SLC9A8: variants seen among roughly 807,000 people sequenced by gnomAD.
SLC9A8 encodes the protein solute carrier family 9 member A8.
A neutral mutation model predicts 66.6 loss-of-function variants in SLC9A8; 48 were observed. The ratio of observed to expected loss-of-function variants is 0.72; its 90% CI spans 0.57 to 0.92. The LOEUF is 0.92. SLC9A8 is among the 40% of genes least tolerant of loss of function. SLC9A8 has a pLI of 0.00. For missense variants in SLC9A8, 599 were observed against 747.3 expected (o/e 0.80, Z 2.31); for synonymous variants, 274 against 282.6 (o/e 0.97, Z 0.31).
intron 8 of SLC9A8, among the ~76,000 whole-genome samples, chr20:49,859,541 C>T (rs1338318193): frequency 1.3e-5 from 2 of 150,948 alleles, no homozygotes; most frequent in Non-Finnish European, 2.9e-5. Flanking sequence ...TGTCACCTTT[C>T]CTTGGTTATC....
At position 49,823,090 on chromosome 20, in the gene SLC9A8, A is replaced by G. The variant is rs1221299845; in HGVS notation, c.238A>G (p.Ile80Val). ...CTGCATCATATTGGTGCATTTACTGATCCGATACAGATTACATTTCTTGCC... is the reference window on the plus strand; with the variant it reads ...CTGCATCATATTGGTGCATTTACTGGTCCGATACAGATTACATTTCTTGCC... ...AICIILVHLLIRYRLHFLPES... is the reference protein window; with the variant it reads ...AICIILVHLLVRYRLHFLPES... The change falls in exon 3 of 16, where the codon ATC becomes GTC. Residue 80 changes from isoleucine (I) to valine (V), a missense_variant. Ile to Val is a conservative substitution (Grantham distance 29, BLOSUM62 3). Around this residue, in one of 2 missense-constraint regions of SLC9A8, gnomAD observed 132 missense variants for 120.9 expected, o/e 1.09. Transcript: ENST00000361573. 1 of 1,612,766 alleles carries G rather than the reference A, an allele frequency of 6.2e-7. No homozygotes were observed. The highest frequency in any genetic ancestry group is 8.5e-7 in the Non-Finnish European group (1 of 1,179,538).
chr20:49,889,216 TC>T lies in SLC9A8; in HGVS notation c.*1282del, dbSNP rs2089988425. 6.6e-6 allele frequency: 1 copy of T among 152,208 alleles called. No individual in the cohort carries two copies. The highest frequency in any genetic ancestry group is 2.1e-4 in the South Asian group (1 of 4,826). 9.4% of individuals were successfully genotyped at this position (152,208 alleles called of 1,614,324 possible). On this transcript the variant is annotated 3_prime_UTR_variant, in exon 16 of 16. Coordinates refer to ENST00000361573, the MANE Select transcript of SLC9A8 (RefSeq NM_015266.3). ...GCTCATCAAAGAGCCATTGCCAACT[TC>T]CGTATGTGGTTCTGGGTCCCAGGGA...
In SLC9A8 at chr20:49,820,472, G is replaced by A. The variant is rs565901479; in HGVS notation, c.209-2589G>A. ...GATTGCACCACTGCACTCCAGCCTG[G>A]GTGACAGAGTGAGACTCTGTCTCGG... On this transcript the variant is annotated intron_variant, in intron 2 of 15. Transcript: ENST00000361573. 7.9e-5 allele frequency among the ~76,000 whole-genome samples: 12 copies of A among 152,000 alleles called. No homozygotes were observed. The East Asian group carries it at 2.3e-3, about 29-fold the overall frequency.
chr20:49,828,836 C>T (rs1327603708), intron 3 of SLC9A8, among the ~76,000 whole-genome samples: 2 of 150,754 alleles, frequency 1.3e-5, no homozygotes, highest in East Asian at 2.0e-4. Flanking sequence ...GAGACTCTGT[C>T]TCAAATAAAT....
intron 8 of SLC9A8, among the ~76,000 whole-genome samples, chr20:49,858,913 G>A (rs1192018689): frequency 2.7e-5 from 4 of 150,536 alleles, no homozygotes; most frequent in East Asian, 2.0e-4. Flanking sequence ...AGCCGAGATC[G>A]CACCACTGCA....
At chr20:49,839,330 T>C (rs908002520) in intron 3 of SLC9A8, among the ~76,000 whole-genome samples, 5 of 152,226 alleles carry the variant, frequency 3.3e-5, no homozygotes, top group Non-Finnish European at 5.9e-5. Context: ...GCCTGACTTT[T>C]GTATTTCATT....
intron 3 of SLC9A8, among the ~76,000 whole-genome samples, chr20:49,823,554 A>G (rs957549815): frequency 1.1e-4 from 17 of 152,226 alleles, no homozygotes; most frequent in African/African-American, 4.1e-4. Context: ...TTTAGGAGGA[A>G]GAAATGGCTC....
intron 2 of SLC9A8, among the ~76,000 whole-genome samples, chr20:49,818,029 G>A (rs1220887133): frequency 6.8e-6 from 1 of 147,652 alleles, no homozygotes; most frequent in Non-Finnish European, 1.5e-5. Flanking sequence ...GGCGGGCCTG[G>A]AAAAAAAAAA....
At chr20:49,880,263 C>CAAAAAA (rs3067561) in intron 12 of SLC9A8, among the ~76,000 whole-genome samples, 46 of 129,516 alleles carry the variant, frequency 3.6e-4, no homozygotes, top group African/African-American at 1.3e-3. Context: ...GACTTTGTCT[C>CAAAAAA]AAAAAAAAAA....
At chr20:49,834,382 T>C (rs547147635) in intron 3 of SLC9A8, among the ~76,000 whole-genome samples, 752 of 44,496 alleles carry the variant, frequency 0.017, 53 homozygotes, top group Non-Finnish European at 0.022. Context: ...TATATATATA[T>C]ACTGTGTATA....
intron 8 of SLC9A8, 21 bp downstream of exon 8, chr20:49,855,602 C>T: frequency 1.2e-6 from 2 of 1,610,114 alleles, no homozygotes; most frequent in East Asian, 4.5e-5. Flanking sequence ...GGGCAGAGAA[C>T]AGACTTTTTT....
chr20:49,874,807 TG>T lies in SLC9A8; in HGVS notation c.1063del (p.Ala355ProfsTer32). 3 of 1,611,884 alleles carry T rather than the reference TG, an allele frequency of 1.9e-6. No individual in the cohort carries two copies. Among genetic ancestry groups the T allele is most frequent in the Non-Finnish European group, 2.5e-6 (3 of 1,177,902 alleles). ...QILMQQTLRT[V>X]AFLCETCVFA... Reference sequence around the variant, plus strand: ...CTCATGCAGCAGACCCTCCGCACCGTGGCCTTCTTATGTGGTGAGTTCTGCT... The same window carrying T: ...CTCATGCAGCAGACCCTCCGCACCGTGCCTTCTTATGTGGTGAGTTCTGCT... On this transcript the variant is annotated frameshift_variant, in exon 11 of 16. Coordinates refer to ENST00000361573, the MANE Select transcript of SLC9A8 (RefSeq NM_015266.3). LOFTEE classifies it high-confidence loss of function.
Position 49,888,062 on chromosome 20 carries a change from G to A in SLC9A8, c.*126G>A, listed in dbSNP as rs925032718. On this transcript the variant is annotated 3_prime_UTR_variant, in exon 16 of 16. Transcript: ENST00000361573. ...CCTTCAAGACATAAGAGGGCGGGGC[G>A]AGGTACTGGCTGCAGAGTCGCCTTA... The A allele has an allele frequency of 1.5e-5, 11 of 730,932 alleles. No individual in the cohort carries two copies. Among genetic ancestry groups the A allele is most frequent in the Admixed American group, 6.9e-5 (3 of 43,270 alleles). The allele number at this position is 730,932 out of a possible 1,614,324, so 45.3% of individuals were successfully genotyped here. A position where few individuals can be genotyped will look rare whatever the true frequency, so the allele number is the denominator to read the frequency against.
intron 2 of SLC9A8, among the ~76,000 whole-genome samples, chr20:49,821,159 T>TG (rs1356965054): frequency 4.6e-5 from 7 of 152,372 alleles, no homozygotes; most frequent in Admixed American, 4.6e-4. Flanking sequence ...ACTCTTTCTG[T>TG]TAATAGTTTC....
chr20:49,889,910 C>T lies in SLC9A8; in HGVS notation c.*1974C>T, dbSNP rs2146805657. 6.6e-6 allele frequency: 1 copy of T among 152,310 alleles called. No individual in the cohort carries two copies. The highest frequency in any genetic ancestry group is 6.5e-5 in the Admixed American group (1 of 15,308). 9.4% of individuals were successfully genotyped at this position (152,310 alleles called of 1,614,324 possible). ...TTTCTTTCTTTCCTAATCTTAAATT[C>T]ACAGATAAAGCAATGAAAAGAGTCA... On this transcript the variant is annotated 3_prime_UTR_variant, in exon 16 of 16. Coordinates refer to ENST00000361573, the MANE Select transcript of SLC9A8 (RefSeq NM_015266.3).
chr20:49,813,673 G>A (rs2086442676), intron 1 of SLC9A8, among the ~76,000 whole-genome samples: 1 of 152,216 alleles, frequency 6.6e-6, no homozygotes. Flanking sequence ...TGGGTTAAGT[G>A]TTCTGAAGGA....
chr20:49,829,535 G>A (rs1395298178), intron 3 of SLC9A8: 5 of 271,764 alleles, frequency 1.8e-5, no homozygotes, highest in Admixed American at 5.0e-5. Context: ...AAAAAAAAAA[G>A]AACCTCATGG....
chr20:49,847,549 C>T (rs1219331068), intron 5 of SLC9A8, among the ~76,000 whole-genome samples: 2 of 151,992 alleles, frequency 1.3e-5, no homozygotes, highest in African/African-American at 2.4e-5. Flanking sequence ...AAACTTCTAT[C>T]CACTTTCTAC....
At chr20:49,871,694 C>A (rs1030251532) in intron 10 of SLC9A8, among the ~76,000 whole-genome samples, 2 of 152,158 alleles carry the variant, frequency 1.3e-5, no homozygotes, top group Non-Finnish European at 2.9e-5. Flanking sequence ...TCTTTCCTTT[C>A]GCCTAGAACT....
Sources: gnomAD v4.1 joint callset for allele counts (sites outside exome capture counted in the v4.1 genomes callset) on GRCh38, gnomAD v4.1.1 for gene constraint, gnomAD v4.1.1 regional missense constraint, MANE v1.5 for transcripts, NCBI Gene and HGNC (gene_info 2026-07-23, HGNC 2026-07-21) for gene names.